The following AGBL4 variants were observed in gnomAD, a reference collection of about 807,000 sequenced individuals.
AGBL4 encodes cytosolic carboxypeptidase 6.
In AGBL4, 58 loss-of-function variants were observed where a neutral mutation model predicts 66.4. The ratio of observed to expected loss-of-function variants is 0.87; its 90% confidence interval spans 0.71 to 1.09. The LOEUF is 1.09. Ranked by LOEUF, AGBL4 falls within the 50% of genes least tolerant of loss-of-function variation. The pLI is 0.00. For synonymous variants in AGBL4, 234 were observed against 222.9 expected, an observed-to-expected ratio of 1.05 and a Z score of -0.44; for missense variants, 579 against 631.0, an observed-to-expected ratio of 0.92 and a Z score of 0.88.
chr1:49,388,493 C>T (rs1293539129), intron 3 of AGBL4, among the ~76,000 whole-genome samples: 7 of 152,086 alleles, frequency 4.6e-5, no homozygotes, highest in Non-Finnish European at 7.4e-5. Context: ...ATTTGTACAT[C>T]CATCTTACAA....
chr1:48,847,669 G>A lies in AGBL4; in HGVS notation c.634+19522C>T, dbSNP rs1014101335. On this transcript the variant is annotated intron_variant, in intron 6 of 13. Transcript: ENST00000371839. ...TTCAAAGTGAGTACAAGGAGTCCTGGACTATAAATGTCTTGGGGACAGAGA... is the reference window on the plus strand; with the variant it reads ...TTCAAAGTGAGTACAAGGAGTCCTGAACTATAAATGTCTTGGGGACAGAGA... Among the ~76,000 whole-genome samples the A allele has an allele frequency of 9.9e-5, 15 of 152,268 alleles. No individual in the cohort carries two copies. The Middle Eastern group carries it at 0.01, about 104-fold the overall frequency.
chr1:49,581,140 G>A (rs1355419587), intron 3 of AGBL4, among the ~76,000 whole-genome samples: 1 of 151,756 alleles, frequency 6.6e-6, no homozygotes, highest in Non-Finnish European at 1.5e-5. Context: ...TGTTGTTGAA[G>A]CTTTTGCACA....
intron 5 of AGBL4, among the ~76,000 whole-genome samples, chr1:48,982,078 G>A (rs542895075): frequency 6.6e-6 from 1 of 152,266 alleles, no homozygotes; most frequent in Non-Finnish European, 1.5e-5. Context: ...ATATTGAAAA[G>A]GCAGAGAGGT....
chr1:48,586,451 A>G (rs553673766), intron 11 of AGBL4: 95 of 153,544 alleles, frequency 6.2e-4, no homozygotes, highest in Non-Finnish European at 1.1e-3. Flanking sequence ...AGGAAAGAGA[A>G]GCACAGGACA....
chr1:49,003,936 T>C (rs1187448455), intron 5 of AGBL4, among the ~76,000 whole-genome samples: 1 of 152,174 alleles, frequency 6.6e-6, no homozygotes. Flanking sequence ...CAGACATCTA[T>C]CTCTCTAGCT....
Position 48,735,881 on chromosome 1 carries a change from C to T in AGBL4, c.635-72640G>A, listed in dbSNP as rs185603210. Among the ~76,000 whole-genome samples, 19 of 152,260 alleles carry T rather than the reference C, an allele frequency of 1.2e-4. No homozygotes were observed. In the Middle Eastern group the frequency reaches 0.014, roughly 109 times the overall value. On this transcript the variant is annotated intron_variant, in intron 6 of 13. Coordinates refer to ENST00000371839, the MANE Select transcript of AGBL4 (RefSeq NM_032785.4). Reference sequence around the variant, plus strand: ...TACCTCACCATACACATCTGTGTCTCCTAGTCTGCCGTATTCTTCAAGGCC... The same window carrying T: ...TACCTCACCATACACATCTGTGTCTTCTAGTCTGCCGTATTCTTCAAGGCC...
intron 1 of AGBL4, among the ~76,000 whole-genome samples, chr1:49,876,057 G>A (rs1429115040): frequency 4.1e-5 from 6 of 147,328 alleles, no homozygotes; most frequent in African/African-American, 1.5e-4. Flanking sequence ...CTGGATATTA[G>A]CCCTTTGTCA....
chr1:49,874,092 T>C (rs964828677), intron 1 of AGBL4, among the ~76,000 whole-genome samples: 7 of 152,076 alleles, frequency 4.6e-5, no homozygotes, highest in African/African-American at 1.7e-4. Context: ...CCAACAAAGC[T>C]GCAATGGTAA....
intron 6 of AGBL4, among the ~76,000 whole-genome samples, chr1:48,813,116 TA>T (rs1286545989): frequency 2.6e-5 from 4 of 151,484 alleles, no homozygotes; most frequent in African/African-American, 7.3e-5. Context: ...ATAATAATAA[TA>T]AAAAAAATGG....
intron 11 of AGBL4, among the ~76,000 whole-genome samples, chr1:48,543,422 C>G (rs918939999): frequency 6.6e-6 from 1 of 152,024 alleles, no homozygotes; most frequent in Non-Finnish European, 1.5e-5. Flanking sequence ...ATCCATCCAT[C>G]CATCCATCTA....
intron 2 of AGBL4, among the ~76,000 whole-genome samples, chr1:49,825,091 T>G (rs1211884166): frequency 1.3e-5 from 2 of 152,210 alleles, no homozygotes; most frequent in East Asian, 1.9e-4. Flanking sequence ...AAGACCCAGA[T>G]AGAATATAGT....
At chr1:48,693,146 T>C (rs1646659592) in intron 6 of AGBL4, among the ~76,000 whole-genome samples, 1 of 152,240 alleles carries the variant, frequency 6.6e-6, no homozygotes, top group African/African-American at 2.4e-5. Context: ...CTTAAAGCGC[T>C]GATACTAATC....
chr1:49,408,602 G>A (rs1390794986), intron 3 of AGBL4, among the ~76,000 whole-genome samples: 1 of 152,200 alleles, frequency 6.6e-6, no homozygotes, highest in Non-Finnish European at 1.5e-5. Flanking sequence ...AGAGGAACAT[G>A]GAAGGACTTG....
At chr1:48,946,869 G>A (rs1656555933) in intron 5 of AGBL4, among the ~76,000 whole-genome samples, 1 of 152,184 alleles carries the variant, frequency 6.6e-6, no homozygotes, top group African/African-American at 2.4e-5. Flanking sequence ...GCCAGTCTTT[G>A]TGGAGAAATG....
chr1:49,333,097 A>G (rs1442430847), intron 3 of AGBL4, among the ~76,000 whole-genome samples: 1 of 152,086 alleles, frequency 6.6e-6, no homozygotes, highest in East Asian at 1.9e-4. Flanking sequence ...TCCTTTGCCA[A>G]CTTTTTGATG....
chr1:48,999,626 C>A (rs534349779), intron 5 of AGBL4, among the ~76,000 whole-genome samples: 1 of 152,194 alleles, frequency 6.6e-6, no homozygotes, highest in Non-Finnish European at 1.5e-5. Flanking sequence ...AGGCAGAAAG[C>A]CTGGGTCCAA....
At chr1:48,552,835 G>A (rs1644269012) in intron 11 of AGBL4, among the ~76,000 whole-genome samples, 1 of 151,762 alleles carries the variant, frequency 6.6e-6, no homozygotes, top group Admixed American at 6.6e-5. Flanking sequence ...ATGGATCCTT[G>A]GAGACAGGGA....
At chr1:49,140,503 T>G (rs1337462613) in intron 4 of AGBL4, among the ~76,000 whole-genome samples, 1 of 152,216 alleles carries the variant, frequency 6.6e-6, no homozygotes, top group Non-Finnish European at 1.5e-5. Flanking sequence ...CTGTACTCAT[T>G]GTGCCAGGAC....
intron 3 of AGBL4, among the ~76,000 whole-genome samples, chr1:49,651,603 G>A (rs992843599): frequency 9.2e-5 from 14 of 151,938 alleles, no homozygotes; most frequent in African/African-American, 3.4e-4. Flanking sequence ...ATAACACCAA[G>A]GAACTTATTC....
Sources: allele counts gnomAD v4.1 joint callset (sites outside exome capture counted in the v4.1 genomes callset), GRCh38; gene constraint gnomAD v4.1.1; transcripts MANE v1.5; gene names NCBI Gene and HGNC (gene_info 2026-07-23, HGNC 2026-07-21).